The following CNIH3 variants were observed in gnomAD, a reference collection of about 807,000 sequenced individuals.
CNIH3 encodes protein cornichon homolog 3.
In CNIH3, 14 loss-of-function variants were observed where a neutral mutation model predicts 24.1. The ratio of observed to expected loss-of-function variants is 0.58; its 90% confidence interval spans 0.38 to 0.91. The LOEUF is 0.91. CNIH3 is among the 40% of genes least tolerant of loss of function. The pLI, the probability that CNIH3 is intolerant of heterozygous loss-of-function variation, is 0.00. For missense variants in CNIH3, 178 were observed against 196.8 expected, an observed-to-expected ratio of 0.90 and a Z score of 0.57; for synonymous variants, 68 against 73.8, an observed-to-expected ratio of 0.92 and a Z score of 0.40.
At chr1:224,578,915 C>T (rs1681149865) in intron 4 of CNIH3, among the ~76,000 whole-genome samples, 1 of 152,056 alleles carries the variant, frequency 6.6e-6, no homozygotes, top group Non-Finnish European at 1.5e-5. Flanking sequence ...TTCAGAGGGC[C>T]CTTTCAATCT....
intron 1 of CNIH3, among the ~76,000 whole-genome samples, chr1:224,468,816 C>A (rs1262933235): frequency 4.0e-5 from 6 of 149,740 alleles, no homozygotes; most frequent in African/African-American, 1.5e-4. Flanking sequence ...CAGAGTGAGA[C>A]CCTGTCTCAA....
chr1:224,579,680 C>T (rs1464521650), intron 4 of CNIH3, among the ~76,000 whole-genome samples: 2 of 152,246 alleles, frequency 1.3e-5, no homozygotes, highest in Admixed American at 6.5e-5. Context: ...GGATTGGTGT[C>T]GTCCTCATGG....
chr1:224,503,184 A>G (rs1490446344), intron 1 of CNIH3, among the ~76,000 whole-genome samples: 1 of 152,192 alleles, frequency 6.6e-6, no homozygotes, highest in African/African-American at 2.4e-5. Context: ...TATTTAGAAC[A>G]CAATGTACTA....
intron 1 of CNIH3, among the ~76,000 whole-genome samples, chr1:224,619,994 C>T (rs1200448860): frequency 6.6e-6 from 1 of 152,220 alleles, no homozygotes; most frequent in African/African-American, 2.4e-5. Context: ...AATCGTTTTC[C>T]TCCCCTTTTT....
chr1:224,532,540 G>T (rs1329761260), intron 2 of CNIH3, among the ~76,000 whole-genome samples: 2 of 152,234 alleles, frequency 1.3e-5, no homozygotes, highest in African/African-American at 4.8e-5. Context: ...GGTACTGGAA[G>T]TGGGCAGAAG....
intron 1 of CNIH3, among the ~76,000 whole-genome samples, chr1:224,473,552 A>G (rs1676451939): frequency 1.3e-5 from 2 of 152,222 alleles, no homozygotes; most frequent in African/African-American, 4.8e-5. Context: ...AAAAGCGACA[A>G]AAAGGTCATT....
intron 1 of CNIH3, among the ~76,000 whole-genome samples, chr1:224,508,876 G>T (rs559772377): frequency 6.6e-6 from 1 of 152,314 alleles, no homozygotes; most frequent in East Asian, 1.9e-4. Flanking sequence ...ACCCTGGGGG[G>T]TTCAAAGATA....
intron 1 of CNIH3, among the ~76,000 whole-genome samples, chr1:224,665,608 A>G (rs1685560033): frequency 6.6e-6 from 1 of 152,160 alleles, no homozygotes; most frequent in Non-Finnish European, 1.5e-5. Flanking sequence ...AGGCACTTGT[A>G]ACCTAGTGGG....
chr1:224,708,277 C>T (rs1384260942), intron 3 of CNIH3, among the ~76,000 whole-genome samples: 1 of 152,156 alleles, frequency 6.6e-6, no homozygotes, highest in Non-Finnish European at 1.5e-5. Context: ...CCTCATGATT[C>T]AGTCCCCCTC....
intron 1 of CNIH3, among the ~76,000 whole-genome samples, chr1:224,450,324 C>T (rs1376706951): frequency 1.3e-5 from 2 of 152,044 alleles, no homozygotes; most frequent in East Asian, 1.9e-4. Flanking sequence ...GGTGGTGTGA[C>T]GGTATGATGG....
chr1:224,668,495 G>T (rs1416576047), intron 1 of CNIH3, among the ~76,000 whole-genome samples: 4 of 152,210 alleles, frequency 2.6e-5, no homozygotes, highest in Non-Finnish European at 5.9e-5. Context: ...TGCTTAGTAA[G>T]TATTTTTAGG....
intron 3 of CNIH3, among the ~76,000 whole-genome samples, chr1:224,605,125 G>A (rs895132388): frequency 6.6e-6 from 1 of 152,214 alleles, no homozygotes; most frequent in African/African-American, 2.4e-5. Context: ...TGTAAAATAG[G>A]TGAAGGGTGG....
At chr1:224,599,316 C>T (rs2125039315) in intron 3 of CNIH3, among the ~76,000 whole-genome samples, 1 of 152,226 alleles carries the variant, frequency 6.6e-6, no homozygotes, top group Admixed American at 6.5e-5. Flanking sequence ...ATCTTGGAAG[C>T]AAGACTGGGA....
chr1:224,487,069 T>C (rs1186575671), intron 1 of CNIH3, among the ~76,000 whole-genome samples: 1 of 152,210 alleles, frequency 6.6e-6, no homozygotes, highest in African/African-American at 2.4e-5. Flanking sequence ...AATTTCTGCT[T>C]ATATCTTTAT....
rs529451377 is a variant in CNIH3, at chr1:224,608,203, C to T, written n.402+41939C>T. 4.6e-5 allele frequency among the ~76,000 whole-genome samples: 7 copies of T among 152,288 alleles called. No individual in the cohort carries two copies. The East Asian group carries it at 1.2e-3, about 25-fold the overall frequency. ...TACATTTGAAAGAGGGCCAAGCTAA[C>T]GACTTGAGCCAGTCAAGGGCACAGT... On this transcript the variant is annotated intron_variant and non_coding_transcript_variant, in intron 3 of 7. Transcript: ENST00000478120.
chr1:224,475,067 A>G (rs1355698729), intron 1 of CNIH3, among the ~76,000 whole-genome samples: 1 of 144,320 alleles, frequency 6.9e-6, no homozygotes, highest in East Asian at 2.0e-4. Context: ...AAAAAAAAAA[A>G]GAAAATCAGA....
chr1:224,542,768 C>T (rs2124951723), intron 2 of CNIH3, among the ~76,000 whole-genome samples: 1 of 152,294 alleles, frequency 6.6e-6, no homozygotes, highest in South Asian at 2.1e-4. Flanking sequence ...TCCACTCTTG[C>T]CTCTTCTCGT....
intron 3 of CNIH3, among the ~76,000 whole-genome samples, chr1:224,713,215 A>G (rs1025885527): frequency 2.0e-5 from 3 of 152,216 alleles, no homozygotes; most frequent in Non-Finnish European, 4.4e-5. Flanking sequence ...AATCATAATC[A>G]ATGCACCTGT....
Position 224,686,652 on chromosome 1 carries a change from T to TC in CNIH3, c.198+1810dup, listed in dbSNP as rs200981838. ...TTTCAGACTCCAAGTTGCCCTTTTT[T>TC]CTCCCATCCTGGATATACCATCCTG... On this transcript the variant is annotated intron_variant, in intron 3 of 5. Transcript: ENST00000272133. 5.8e-3 allele frequency among the ~76,000 whole-genome samples: 877 copies of TC among 152,306 alleles called. 7 individuals carry two copies. Among genetic ancestry groups the TC allele is most frequent in the African/African-American group, 0.02 (827 of 41,560 alleles).
Sources: gnomAD v4.1 joint callset for allele counts (sites outside exome capture counted in the v4.1 genomes callset) on GRCh38, gnomAD v4.1.1 for gene constraint, MANE v1.5 for transcripts, NCBI Gene and HGNC (gene_info 2026-07-23, HGNC 2026-07-21) for gene names.